NLRC4: variants seen among roughly 807,000 people sequenced by gnomAD.
NLRC4 encodes NLR family CARD domain containing 4.
NLRC4 carries 63 observed loss-of-function variants against 79.9 expected under a neutral mutation model. The observed-to-expected ratio is 0.79, with a 90% confidence interval of 0.64 to 0.97. The LOEUF (loss-of-function observed/expected upper bound fraction) is 0.97. Ranked by LOEUF, NLRC4 falls within the 50% of genes least tolerant of loss-of-function variation. The probability of loss-of-function intolerance (pLI) is 0.00; values close to 1 mark genes in which losing one functional copy is unlikely to be tolerated. For missense variants in NLRC4, 1,074 were observed against 1,215.2 expected, an observed-to-expected ratio of 0.88 and a Z score of 1.73; for synonymous variants, 461 against 456.5, an observed-to-expected ratio of 1.01 and a Z score of -0.12.
chr2:32,249,846 T>C lies in NLRC4; in HGVS notation c.2018A>G (p.Asn673Ser). The C allele has an allele frequency of 1.2e-6, 2 of 1,614,220 alleles. No individual in the cohort carries two copies. The highest frequency in any genetic ancestry group is 1.7e-6 in the Non-Finnish European group (2 of 1,180,038). ...EVTLRDFSKLNKQDIRYLGKI... is the reference protein window; with the variant it reads ...EVTLRDFSKLSKQDIRYLGKI... Reference sequence around the variant, plus strand: ...CCCCAGATATCTGATATCTTGCTTATTCAACTTGCTGAAATCCCGGAGTGT... The same window carrying C: ...CCCCAGATATCTGATATCTTGCTTACTCAACTTGCTGAAATCCCGGAGTGT... The change falls in exon 4 of 9, where the codon AAT becomes AGT. Residue 673 changes from asparagine to serine, a missense_variant. Asn to Ser is a conservative substitution (Grantham distance 46). Transcript: ENST00000402280.
In NLRC4 at chr2:32,238,285, G is replaced by C. The variant is rs1573477687; in HGVS notation, c.2368C>G (p.Leu790Val). ...AIKLAEGLKN[L>V]KKMCLFHLTH... is the part of the protein sequence containing the mutation. The stretch of plus-strand genomic sequence containing the variant: ...AAATGAAATAAACACATCTTCTTCA[G>C]GTTTTTCAGGCCTTCAGCTGAAAAA... The change falls in exon 6 of 9, where the codon CTG becomes GTG. Residue 790 changes from leucine (L) to valine (V), a missense_variant. Coordinates refer to ENST00000402280, the MANE Select transcript of NLRC4 (RefSeq NM_001199138.2). 6.2e-7 allele frequency: 1 copy of C among 1,610,170 alleles called. No homozygotes were observed. Among genetic ancestry groups the C allele is most frequent in the Non-Finnish European group, 8.5e-7 (1 of 1,178,810 alleles).
In NLRC4 at chr2:32,259,964, C is replaced by T. The variant is rs758763887; in HGVS notation, c.-118-3071G>A. On this transcript the variant is annotated intron_variant, in intron 1 of 8. Transcript: ENST00000402280. Reference sequence around the variant, plus strand: ...AGTGTATTGGCCGGGCACGGTGGCTCACGCCTGTAATCCCAGCATATTGGG... The same window carrying T: ...AGTGTATTGGCCGGGCACGGTGGCTTACGCCTGTAATCCCAGCATATTGGG... Among the ~76,000 whole-genome samples the T allele has an allele frequency of 1.2e-4, 19 of 152,140 alleles. 1 individual carries two copies. The highest frequency in any genetic ancestry group is 2.2e-4 in the Non-Finnish European group (15 of 68,034).
At chr2:32,240,011 A>G (rs972344042) in intron 5 of NLRC4, among the ~76,000 whole-genome samples, 1 of 152,092 alleles carries the variant, frequency 6.6e-6, no homozygotes, top group Admixed American at 6.6e-5. Flanking sequence ...GATGGAGTCT[A>G]TCTCTGTCAC....
chr2:32,233,049 T>C (rs79892028), intron 8 of NLRC4, among the ~76,000 whole-genome samples: 12,546 of 148,378 alleles, frequency 0.085, 611 homozygotes, highest in Middle Eastern at 0.13. Flanking sequence ...AAGTTCAAGG[T>C]TAGTGAGCTG....
chr2:32,247,814 C>A (rs1249838290), intron 4 of NLRC4, among the ~76,000 whole-genome samples: 1 of 151,930 alleles, frequency 6.6e-6, no homozygotes, highest in African/African-American at 2.4e-5. Flanking sequence ...GTAGAAACTA[C>A]TAGAAAATTT....
intron 8 of NLRC4, among the ~76,000 whole-genome samples, chr2:32,232,863 C>T (rs1312292116): frequency 6.6e-6 from 1 of 152,000 alleles, no homozygotes; most frequent in Non-Finnish European, 1.5e-5. Context: ...TATTATTTTG[C>T]AGGTAGAACA....
chr2:32,241,336 A>AG (rs771018940), intron 4 of NLRC4, among the ~76,000 whole-genome samples: 28 of 149,764 alleles, frequency 1.9e-4, no homozygotes, highest in Non-Finnish European at 3.1e-4. Context: ...TAGACTAGAT[A>AG]CCAATTTCCC....
intron 8 of NLRC4, among the ~76,000 whole-genome samples, chr2:32,234,196 A>G (rs1245109420): frequency 6.6e-6 from 1 of 152,034 alleles, no homozygotes; most frequent in Non-Finnish European, 1.5e-5. Context: ...TCTGGCTAAC[A>G]CGGTGAAACT....
chr2:32,225,217 G>A (rs1338075013), intron 8 of NLRC4, among the ~76,000 whole-genome samples: 2 of 152,092 alleles, frequency 1.3e-5, no homozygotes, highest in African/African-American at 2.4e-5. Context: ...TTGAGTAAGT[G>A]AGCCTCCTTC....
Position 32,250,035 on chromosome 2 carries a change from T to A in NLRC4, c.1829A>T (p.Asp610Val). 6.2e-7 allele frequency: 1 copy of A among 1,614,232 alleles called. No homozygotes were observed. Among genetic ancestry groups the A allele is most frequent in the Non-Finnish European group, 8.5e-7 (1 of 1,180,038 alleles). Residue 610 changes from aspartate (D) to valine (V), a missense_variant, in exon 4 of 9, where the codon GAC becomes GTC. Coordinates refer to ENST00000402280, the MANE Select transcript of NLRC4 (RefSeq NM_001199138.2). The surrounding 1 kb of genome is among the most constrained non-coding windows in gnomAD (Gnocchi z 4.9). ...CCCATAAAAGTCCAGTTTAATGAAGTCCAGGGCACTTGCACAATTGGGCAA... is the reference window on the plus strand; with the variant it reads ...CCCATAAAAGTCCAGTTTAATGAAGACCAGGGCACTTGCACAATTGGGCAA... ...EHLPNCASALDFIKLDFYGGA... is the reference protein window; with the variant it reads ...EHLPNCASALVFIKLDFYGGA...
chr2:32,248,203 A>G (rs1686983925), intron 4 of NLRC4, among the ~76,000 whole-genome samples: 1 of 152,208 alleles, frequency 6.6e-6, no homozygotes, highest in Non-Finnish European at 1.5e-5. Context: ...ATTCCTGGCT[A>G]ATATTTCCAG....
In NLRC4 at chr2:32,251,450, G is replaced by A; in HGVS notation, c.414C>T (p.Val138=). ...GATGGTGTTGGTCCTTCCTCCACAGGACAGGTTCTGTGAAGGTGCTTTTCA... is the reference window on the plus strand; with the variant it reads ...GATGGTGTTGGTCCTTCCTCCACAGAACAGGTTCTGTGAAGGTGCTTTTCA... ...FNLKSTFTEP[V]LWRKDQHHHR... The change falls in exon 4 of 9, where the codon GTC becomes GTT. Residue 138 remains valine, a synonymous_variant. Coordinates refer to ENST00000402280, the MANE Select transcript of NLRC4 (RefSeq NM_001199138.2). 1 of 1,614,086 alleles carries A rather than the reference G, an allele frequency of 6.2e-7. No individual in the cohort carries two copies. Among genetic ancestry groups the A allele is most frequent in the Non-Finnish European group, 8.5e-7 (1 of 1,179,986 alleles).
chr2:32,228,094 G>A (rs1317046093), intron 8 of NLRC4, among the ~76,000 whole-genome samples: 1 of 152,192 alleles, frequency 6.6e-6, no homozygotes, highest in African/African-American at 2.4e-5. Context: ...GGGTGCTGGG[G>A]ATATGTGTAA....
intron 8 of NLRC4, among the ~76,000 whole-genome samples, chr2:32,233,343 ATATATATT>A (rs1250429072): frequency 0.013 from 706 of 54,702 alleles, 7 homozygotes; most frequent in Admixed American, 0.018. Flanking sequence ...ATATATATAT[ATATATATT>A]TTTTTTTTTT....
intron 1 of NLRC4, among the ~76,000 whole-genome samples, chr2:32,263,700 C>A (rs1236476617): frequency 6.6e-6 from 1 of 152,146 alleles, no homozygotes; most frequent in African/African-American, 2.4e-5. Flanking sequence ...AGAAGCCAAC[C>A]CTGCTGACAC....
chr2:32,243,261 T>C (rs1686848821), intron 4 of NLRC4, among the ~76,000 whole-genome samples: 1 of 149,410 alleles, frequency 6.7e-6, no homozygotes, highest in Non-Finnish European at 1.5e-5. Flanking sequence ...ATACAAAAAA[T>C]CAGCTGGGTG....
chr2:32,234,670 G>A (rs953186505), intron 8 of NLRC4, among the ~76,000 whole-genome samples: 1 of 152,202 alleles, frequency 6.6e-6, no homozygotes, highest in Non-Finnish European at 1.5e-5. Flanking sequence ...CCTGTGAAGA[G>A]GTCTAATGAT....
At position 32,224,603 on chromosome 2, in the gene NLRC4, G is replaced by A. The variant is rs147896952; in HGVS notation, c.2945C>T (p.Ala982Val). Residue 982 changes from alanine (A) to valine (V), a missense_variant, in exon 9 of 9, where the codon GCA (alanine) becomes GTA (valine). Transcript: ENST00000402280. ...FSTKEFLPDP[A>V]LVRKLSQVLS... ...CACTTGGCTAAGTTTTCTGACTAAT[G>A]CTGGATCAGGTAGAAATTCTTTAGT... 8 of 1,613,826 alleles carry A rather than the reference G, an allele frequency of 5.0e-6. No homozygotes were observed. The highest frequency in any genetic ancestry group is 2.2e-5 in the East Asian group (1 of 44,874).
Position 32,251,066 on chromosome 2 carries a change from C to T in NLRC4, c.798G>A (p.Lys266=). Residue 266 remains lysine (K), a synonymous_variant, in exon 4 of 9, where the codon AAG becomes AAA. Coordinates refer to ENST00000402280, the MANE Select transcript of NLRC4 (RefSeq NM_001199138.2). ...CCATGTTCTTGAAGCGGTGGTTTTCCTTTATCAGGGCTTCGATTTCTGGGC... is the reference window on the plus strand; with the variant it reads ...CCATGTTCTTGAAGCGGTGGTTTTCTTTTATCAGGGCTTCGATTTCTGGGC... The part of the protein sequence containing the change: ...QNCPEIEALI[K]ENHRFKNMVI... The T allele has an allele frequency of 1.2e-6, 2 of 1,614,142 alleles. No homozygotes were observed. The highest frequency in any genetic ancestry group is 8.5e-7 in the Non-Finnish European group (1 of 1,180,014).
Sources: gnomAD v4.1 joint callset for allele counts (sites outside exome capture counted in the v4.1 genomes callset) on GRCh38, gnomAD v4.1.1 for gene constraint, Gnocchi (gnomAD v3.1) non-coding constraint, MANE v1.5 for transcripts, NCBI Gene and HGNC (gene_info 2026-07-23, HGNC 2026-07-21) for gene names.